Variants in TGM7 observed in about 807,000 individuals in gnomAD.
TGM7 encodes the protein transglutaminase 7.
Under a neutral mutation model 79.5 loss-of-function variants are expected in TGM7, and 74 were observed. The ratio of observed to expected loss-of-function variants is 0.93; its 90% confidence interval spans 0.77 to 1.13. The LOEUF (loss-of-function observed/expected upper bound fraction) is 1.13, where lower values mean the gene tolerates loss of function less well. Among genes scored for constraint, TGM7 ranks in the 50% most tolerant of loss-of-function variants. The pLI is 0.00. For synonymous variants in TGM7, 354 were observed against 362.5 expected (o/e 0.98, Z 0.27); for missense variants, 912 against 905.9 (o/e 1.01, Z -0.09).
At chr15:43,285,689 C>T (rs2042932005) in intron 6 of TGM7, among the ~76,000 whole-genome samples, 1 of 152,240 alleles carries the variant, frequency 6.6e-6, no homozygotes, top group East Asian at 1.9e-4. Flanking sequence ...AAACCGTCAG[C>T]AGAGATAAGA....
At chr15:43,279,516 T>C in intron 10 of TGM7, 109 bp downstream of exon 10, 1 of 1,348,490 alleles carries the variant, frequency 7.4e-7, no homozygotes, top group East Asian at 2.3e-5. Flanking sequence ...AATGTGTGTG[T>C]GTTGGAGGAA....
chr15:43,287,259 A>G (rs1479800486), intron 6 of TGM7, 21 bp downstream of exon 6: 1 of 1,608,868 alleles, frequency 6.2e-7, no homozygotes. Context: ...CACACCCCTA[A>G]GTGAGTGATC....
intron 6 of TGM7, among the ~76,000 whole-genome samples, chr15:43,286,071 A>C (rs933977496): frequency 3.9e-5 from 6 of 152,182 alleles, no homozygotes; most frequent in African/African-American, 1.4e-4. Context: ...AGGAATATTG[A>C]CAGCGACCAA....
chr15:43,280,427 C>G (rs893330785), intron 9 of TGM7, among the ~76,000 whole-genome samples: 1 of 152,146 alleles, frequency 6.6e-6, no homozygotes, highest in Non-Finnish European at 1.5e-5. Context: ...AGTTTGAGAC[C>G]AGACTGGCCA....
chr15:43,281,670 T>C (rs1196875715), intron 9 of TGM7, among the ~76,000 whole-genome samples, 174 bp downstream of exon 9: 1 of 152,186 alleles, frequency 6.6e-6, no homozygotes, highest in East Asian at 1.9e-4. Context: ...TGTATTTTTA[T>C]TTGCTGGTAA....
At position 43,282,641 on chromosome 15, in the gene TGM7, A is replaced by T. The variant is rs760609013; in HGVS notation, c.1005-21T>A. The T allele has an allele frequency of 8.3e-6, 13 of 1,568,000 alleles. No homozygotes were observed. The East Asian group carries it at 3.0e-4, about 36-fold the overall frequency. ...AGTTCCTGCAGGAGGGAGTAAGGAG[A>T]CAAGGATTCATGTTAGCTGAGGTTT... On this transcript the variant is annotated intron_variant, in intron 7 of 12. Coordinates refer to ENST00000452443, the MANE Select transcript of TGM7 (RefSeq NM_052955.3).
At chr15:43,294,571 A>G (rs181739054) in intron 1 of TGM7, among the ~76,000 whole-genome samples, 3 of 152,192 alleles carry the variant, frequency 2.0e-5, no homozygotes, top group Non-Finnish European at 4.4e-5. Flanking sequence ...AATATTAGTT[A>G]CTCTTACTGG....
At chr15:43,300,729 A>G (rs927693893) in intron 1 of TGM7, among the ~76,000 whole-genome samples, 1 of 152,190 alleles carries the variant, frequency 6.6e-6, no homozygotes, top group African/African-American at 2.4e-5. Flanking sequence ...TGAACCCTGG[A>G]GGCGGAGCTT....
rs139030713 is a variant in TGM7 at position 43,294,975 on chromosome 15, G to A, written c.11-1344C>T. 2.0e-3 allele frequency among the ~76,000 whole-genome samples: 301 copies of A among 151,708 alleles called. 3 individuals carry two copies. Among genetic ancestry groups the A allele is most frequent in the African/African-American group, 7.1e-3 (293 of 41,330 alleles). Reference sequence around the variant, plus strand: ...TGCAATGGCATGCTCCTGGCTCACTGCAGCCTCAGCCTTCATTCTGGGCTC... The same window carrying A: ...TGCAATGGCATGCTCCTGGCTCACTACAGCCTCAGCCTTCATTCTGGGCTC... On this transcript the variant is annotated intron_variant, in intron 1 of 12. Transcript: ENST00000452443.
intron 8 of TGM7, 125 bp from the exon 9 acceptor site, chr15:43,282,211 G>A: frequency 2.2e-6 from 3 of 1,381,474 alleles, no homozygotes; most frequent in Non-Finnish European, 2.9e-6. Flanking sequence ...AGTTTACCAA[G>A]CACTTTTGTT....
Position 43,279,891 on chromosome 15 carries a change from C to A in TGM7, c.1412G>T (p.Arg471Ile). 6.2e-7 allele frequency: 1 copy of A among 1,614,216 alleles called. No individual in the cohort carries two copies. The highest frequency in any genetic ancestry group is 8.5e-7 in the Non-Finnish European group (1 of 1,180,034). ...KASRKMLGPQ[R>I]ASLPFLDLLE... ...GAGATCCAGGAAGGGCAAAGAAGCTCTTTGGGGGCCCAGCATTTTCCGAGA... is the reference window on the plus strand; with the variant it reads ...GAGATCCAGGAAGGGCAAAGAAGCTATTTGGGGGCCCAGCATTTTCCGAGA... Residue 471 changes from arginine (R) to isoleucine (I), a missense_variant, in exon 10 of 13, where the codon AGA becomes ATA. Arg to Ile is a moderately conservative substitution (Grantham distance 97, BLOSUM62 -3). Coordinates refer to ENST00000452443, the MANE Select transcript of TGM7 (RefSeq NM_052955.3).
chr15:43,281,806 G>C, intron 9 of TGM7, 38 bp downstream of exon 9: 1 of 1,606,796 alleles, frequency 6.2e-7, no homozygotes, highest in African/African-American at 1.3e-5. Flanking sequence ...TCACAAAGAA[G>C]CTTAAAGCAG....
rs1468463499 is a variant in TGM7, at chr15:43,287,759, A to G, written c.559-90T>C. The G allele has an allele frequency of 7.0e-6, 10 of 1,432,542 alleles. No individual in the cohort carries two copies. The East Asian group carries it at 2.1e-4, about 30-fold the overall frequency. The allele number at this position is 1,432,542 out of a possible 1,614,324, so 88.7% of individuals were successfully genotyped here. A position where few individuals can be genotyped will look rare whatever the true frequency, so the allele number is the denominator to read the frequency against. On this transcript the variant is annotated intron_variant, in intron 4 of 12. Transcript: ENST00000452443. ...TCACTAACAGACTTTTGGGGATGGC[A>G]TGTATATGGGGATGTGGGGGCAGGG...
At chr15:43,300,757 C>T (rs1175172476) in intron 1 of TGM7, among the ~76,000 whole-genome samples, 2 of 152,130 alleles carry the variant, frequency 1.3e-5, no homozygotes, top group African/African-American at 2.4e-5. Flanking sequence ...ACCGAGATTG[C>T]GCCACTGCAC....
Position 43,288,915 on chromosome 15 carries a change from C to T in TGM7, c.559-1246G>A, listed in dbSNP as rs550747270. Among the ~76,000 whole-genome samples the T allele has an allele frequency of 2.0e-5, 3 of 152,144 alleles. No individual in the cohort carries two copies. In the South Asian group the frequency reaches 6.2e-4, roughly 32 times the overall value. ...CTCCAGCCTGGGCAACACAGTGAGA[C>T]TCTATCTCAAGAAAAAGAAAAAAAT... On this transcript the variant is annotated intron_variant, in intron 4 of 12. Transcript: ENST00000452443.
At position 43,280,076 on chromosome 15, in the gene TGM7, T is replaced by C. The variant is rs866151733; in HGVS notation, c.1352-125A>G. The C allele has an allele frequency of 3.1e-5, 24 of 780,408 alleles. No individual in the cohort carries two copies. In the South Asian group the frequency reaches 3.3e-4, roughly 11 times the overall value. 48.3% of individuals were successfully genotyped at this position (780,408 alleles called of 1,614,324 possible). A position where few individuals can be genotyped will look rare whatever the true frequency, so the allele number is the denominator to read the frequency against. On this transcript the variant is annotated intron_variant, in intron 9 of 12. Transcript: ENST00000452443. ...GCGGCGCGGCTCAGGTGCTGCTTGC[T>C]GGGTTCAAATCCTTGCTCTGTCACA...
intron 1 of TGM7, among the ~76,000 whole-genome samples, chr15:43,295,389 G>A (rs1327585794): frequency 3.3e-5 from 5 of 152,186 alleles, no homozygotes; most frequent in African/African-American, 1.2e-4. Flanking sequence ...TCAGGAGTTC[G>A]AGACCAACCT....
At chr15:43,282,493 C>T (rs1299563743) in intron 8 of TGM7, 24 bp downstream of exon 8, 3 of 1,558,634 alleles carry the variant, frequency 1.9e-6, no homozygotes, top group South Asian at 2.3e-5. Flanking sequence ...AGAGCCAGAG[C>T]CTGTTGCAAT....
At chr15:43,278,994 T>G in intron 11 of TGM7, 123 bp downstream of exon 11, 1 of 1,060,792 alleles carries the variant, frequency 9.4e-7, no homozygotes, top group Non-Finnish European at 1.3e-6. Flanking sequence ...GACCACACCA[T>G]ACTGTGCTGG....
Sources: gnomAD v4.1 joint callset for allele counts (sites outside exome capture counted in the v4.1 genomes callset) on GRCh38, gnomAD v4.1.1 for gene constraint, MANE v1.5 for transcripts, NCBI Gene and HGNC (gene_info 2026-07-23, HGNC 2026-07-21) for gene names.